Variants in MEF2C observed in about 807,000 individuals in gnomAD.
MEF2C encodes the protein myocyte-specific enhancer factor 2C.
Under a neutral mutation model 50.5 loss-of-function variants are expected in MEF2C, and 6 were observed. That is an observed-to-expected ratio of 0.12 (90% CI 0.07 to 0.23). MEF2C has a LOEUF of 0.23. Among genes scored for constraint, MEF2C ranks in the 10% least tolerant of loss-of-function variants. MEF2C has a pLI of 1.00. For synonymous variants in MEF2C, 183 were observed against 228.0 expected, an observed-to-expected ratio of 0.80 and a Z score of 1.78; for missense variants, 276 against 605.0, an observed-to-expected ratio of 0.46 and a Z score of 5.70.
chr5:88,870,157 ACAAT>A (rs1185333897), intron 1 of MEF2C, among the ~76,000 whole-genome samples: 1 of 152,142 alleles, frequency 6.6e-6, no homozygotes, highest in Admixed American at 6.6e-5. Flanking sequence ...TTTATTTTAA[ACAAT>A]CCTATAAAAA....
intron 3 of MEF2C, among the ~76,000 whole-genome samples, chr5:88,794,779 T>C (rs974318658): frequency 6.6e-6 from 1 of 152,194 alleles, no homozygotes; most frequent in East Asian, 1.9e-4. Context: ...TTTTAGGCCT[T>C]ACGTTTAAGT....
chr5:88,772,409 G>C (rs759200652), intron 3 of MEF2C: 2 of 152,256 alleles, frequency 1.3e-5, no homozygotes, highest in Non-Finnish European at 2.9e-5. Flanking sequence ...CTTAAGAGAG[G>C]TAAAGACATC....
intron 5 of MEF2C, chr5:88,750,187 T>C (rs1167675666): frequency 1.6e-6 from 1 of 618,750 alleles, no homozygotes; most frequent in African/African-American, 2.0e-5. Flanking sequence ...TTTGTTTATA[T>C]ATATACATAT....
chr5:88,780,656 G>A (rs1387627497), intron 3 of MEF2C: 1 of 657,492 alleles, frequency 1.5e-6, no homozygotes, highest in East Asian at 1.4e-4. Context: ...CACCCTAGAA[G>A]CAATGCACAA....
At chr5:88,753,478 C>T (rs958929559) in intron 4 of MEF2C, among the ~76,000 whole-genome samples, 3 of 152,188 alleles carry the variant, frequency 2.0e-5, no homozygotes, top group African/African-American at 7.2e-5. Context: ...TCACTGCAAC[C>T]TCTGCCTATC....
chr5:88,747,596 G>A lies in MEF2C; in HGVS notation c.637+1474C>T, dbSNP rs1770483711. ...GATCTCCTGACCTCGTGATCCGCCCGCCTCGGCCTCCCAAAGTGCTGGGAT... is the reference window on the plus strand; with the variant it reads ...GATCTCCTGACCTCGTGATCCGCCCACCTCGGCCTCCCAAAGTGCTGGGAT... On this transcript the variant is annotated intron_variant, in intron 6 of 10. Coordinates refer to ENST00000504921, the MANE Select transcript of MEF2C (RefSeq NM_002397.5). 8.0e-5 allele frequency among the ~76,000 whole-genome samples: 2 copies of A among 25,134 alleles called. 1 individual carries two copies. Among genetic ancestry groups the A allele is most frequent in the Non-Finnish European group, 3.8e-4 (2 of 5,324 alleles). 16.5% of individuals were successfully genotyped at this position (25,134 alleles called of 152,430 possible). A position where few individuals can be genotyped will look rare whatever the true frequency, so the allele number is the denominator to read the frequency against.
At chr5:88,831,611 T>C (rs302486) in intron 1 of MEF2C, among the ~76,000 whole-genome samples, 3,273 of 152,134 alleles carry the variant, frequency 0.022, 108 homozygotes, top group African/African-American at 0.075. Flanking sequence ...ATGTCATTTA[T>C]TTTTATCTCT....
Position 88,722,537 on chromosome 5 carries a change from C to T in MEF2C, c.*67G>A, listed in dbSNP as rs1756663506. The T allele has an allele frequency of 3.6e-6, 5 of 1,386,288 alleles. No homozygotes were observed. The South Asian group carries it at 4.1e-5, about 11-fold the overall frequency. 85.9% of individuals were successfully genotyped at this position (1,386,288 alleles called of 1,614,324 possible). On this transcript the variant is annotated 3_prime_UTR_variant, in exon 11 of 11. Transcript: ENST00000504921. ...CATATAATGCATATCGACCCCCCTTCCCCATTAAGGTATAGCACACACACA... is the reference window on the plus strand; with the variant it reads ...CATATAATGCATATCGACCCCCCTTTCCCATTAAGGTATAGCACACACACA...
At chr5:88,814,816 G>A (rs892262066) in intron 2 of MEF2C, among the ~76,000 whole-genome samples, 2 of 152,098 alleles carry the variant, frequency 1.3e-5, no homozygotes, top group African/African-American at 4.8e-5. Context: ...TTTAAAATTT[G>A]TGACAGCTGA....
At chr5:88,880,189 G>T (rs1419349798) in intron 1 of MEF2C, among the ~76,000 whole-genome samples, 1 of 151,986 alleles carries the variant, frequency 6.6e-6, no homozygotes, top group Non-Finnish European at 1.5e-5. Context: ...AGTATAGAAT[G>T]AATACGTGTA....
chr5:88,777,907 T>TC (rs1785674404), intron 3 of MEF2C, among the ~76,000 whole-genome samples: 1 of 135,386 alleles, frequency 7.4e-6, no homozygotes, highest in South Asian at 2.5e-4. Context: ...TTCTTTTTTT[T>TC]TTTTTTTTTT....
At chr5:88,757,930 AAAAAT>A (rs1776115168) in intron 4 of MEF2C, among the ~76,000 whole-genome samples, 1 of 152,094 alleles carries the variant, frequency 6.6e-6, no homozygotes, top group Admixed American at 6.5e-5. Flanking sequence ...AATAAAAAAT[AAAAAT>A]AAAATAAAAT....
intron 6 of MEF2C, chr5:88,743,044 T>A: frequency 1.0e-6 from 1 of 971,716 alleles, no homozygotes; most frequent in Non-Finnish European, 1.2e-6. Context: ...ATTCAGAATT[T>A]TTAATTCAGA....
chr5:88,734,545 G>A (rs935151235), intron 6 of MEF2C: 36 of 913,100 alleles, frequency 3.9e-5, no homozygotes, highest in African/African-American at 1.7e-4. Flanking sequence ...AATGCTTCAC[G>A]GAGGCCTTGA....
intron 1 of MEF2C, among the ~76,000 whole-genome samples, chr5:88,897,297 C>G (rs912589039): frequency 9.2e-5 from 14 of 152,250 alleles, no homozygotes; most frequent in African/African-American, 3.1e-4. Flanking sequence ...AGTCTCATCT[C>G]ATCCTTACGT....
At chr5:88,893,432 A>T (rs1834802968) in intron 1 of MEF2C, among the ~76,000 whole-genome samples, 1 of 151,684 alleles carries the variant, frequency 6.6e-6, no homozygotes. Flanking sequence ...CATGTTGGCC[A>T]GGTTGGTCTT....
intron 4 of MEF2C, among the ~76,000 whole-genome samples, chr5:88,753,410 T>C (rs976416694): frequency 2.0e-4 from 30 of 152,362 alleles, no homozygotes; most frequent in Non-Finnish European, 3.2e-4. Context: ...TATATTATTA[T>C]TTTTAGACAC....
chr5:88,832,522 C>T (rs1813459945), intron 1 of MEF2C, among the ~76,000 whole-genome samples: 1 of 152,160 alleles, frequency 6.6e-6, no homozygotes, highest in African/African-American at 2.4e-5. Context: ...CGCAGGTAGC[C>T]TCAGGATTTA....
At chr5:88,800,778 C>T (rs1272487392) in intron 3 of MEF2C, among the ~76,000 whole-genome samples, 1 of 152,144 alleles carries the variant, frequency 6.6e-6, no homozygotes, top group Non-Finnish European at 1.5e-5. Flanking sequence ...AATGGACTTC[C>T]TTCAAAGGAA....
Sources: gnomAD v4.1 joint callset for allele counts (sites outside exome capture counted in the v4.1 genomes callset) on GRCh38, gnomAD v4.1.1 for gene constraint, MANE v1.5 for transcripts, NCBI Gene and HGNC (gene_info 2026-07-23, HGNC 2026-07-21) for gene names.